Variants in ADAM10 observed in about 807,000 individuals in gnomAD.
ADAM10 encodes ADAM metallopeptidase domain 10.
In ADAM10, 17 loss-of-function variants were observed where a neutral mutation model predicts 90.1. The observed-to-expected ratio is 0.19, with a 90% CI of 0.13 to 0.28. The LOEUF (loss-of-function observed/expected upper bound fraction) is 0.28. Among genes scored for constraint, ADAM10 ranks in the 10% least tolerant of loss-of-function variants. ADAM10 has a pLI of 1.00. For missense variants in ADAM10, 610 were observed against 914.3 expected, an observed-to-expected ratio of 0.67 and a Z score of 4.29; for synonymous variants, 310 against 298.6, an observed-to-expected ratio of 1.04 and a Z score of -0.40.
intron 2 of ADAM10, among the ~76,000 whole-genome samples, chr15:58,690,207 C>G (rs1421945941): frequency 6.6e-6 from 1 of 152,074 alleles, no homozygotes; most frequent in African/African-American, 2.4e-5. Context: ...TGATAAAATT[C>G]TCAGCAAACT....
chr15:58,721,998 A>C (rs1235891529), intron 1 of ADAM10, among the ~76,000 whole-genome samples: 2 of 152,104 alleles, frequency 1.3e-5, no homozygotes, highest in Non-Finnish European at 2.9e-5. Flanking sequence ...ATTGCAATCC[A>C]GCCTGGGTGA....
At chr15:58,644,247 G>A (rs1420859532) in intron 6 of ADAM10, among the ~76,000 whole-genome samples, 1 of 143,726 alleles carries the variant, frequency 7.0e-6, no homozygotes, top group African/African-American at 2.7e-5. Context: ...TTTTTTTTTG[G>A]AGACAAGAGT....
At chr15:58,718,920 T>C (rs945014267) in intron 1 of ADAM10, among the ~76,000 whole-genome samples, 3 of 152,178 alleles carry the variant, frequency 2.0e-5, no homozygotes, top group Admixed American at 6.5e-5. Flanking sequence ...TTCCCTCTCA[T>C]AGTACCACAA....
intron 1 of ADAM10, among the ~76,000 whole-genome samples, chr15:58,718,134 TAAAAATA>T (rs1761902802): frequency 6.6e-6 from 1 of 151,394 alleles, no homozygotes; most frequent in South Asian, 2.1e-4. Flanking sequence ...TCATCCCTAA[TAAAAATA>T]AAAAATAAAA....
At position 58,611,877 on chromosome 15, in the gene ADAM10, G is replaced by A. The variant is rs145707318; in HGVS notation, c.1626C>T (p.Leu542=). 6.2e-7 allele frequency: 1 copy of A among 1,614,206 alleles called. No homozygotes were observed. Among genetic ancestry groups the A allele is most frequent in the Admixed American group, 1.7e-5 (1 of 60,034 alleles). Residue 542 remains leucine, a synonymous_variant, in exon 12 of 16, where the codon CTC becomes CTT. Transcript: ENST00000260408. ...REGICNGFTA[L]CPASDPKPNF... ...TTGGTTTAGGGTCAGATGCTGGGCA[G>A]AGAGCTGTGAAGCCATTACATATTC...
At chr15:58,603,018 C>G (rs1484987676) in intron 14 of ADAM10, among the ~76,000 whole-genome samples, 4 of 152,214 alleles carry the variant, frequency 2.6e-5, no homozygotes, top group African/African-American at 9.6e-5. Flanking sequence ...ACAAAACATG[C>G]TGACAGGGCT....
intron 2 of ADAM10, among the ~76,000 whole-genome samples, chr15:58,685,616 A>G (rs1897578053): frequency 6.8e-6 from 1 of 147,576 alleles, no homozygotes; most frequent in Non-Finnish European, 1.5e-5. Context: ...TTCTGTGTAG[A>G]GAATTTCTGA....
At chr15:58,670,805 T>C (rs1427932233) in intron 4 of ADAM10, among the ~76,000 whole-genome samples, 3 of 152,108 alleles carry the variant, frequency 2.0e-5, no homozygotes, top group Non-Finnish European at 2.9e-5. Context: ...AGCACAAAAA[T>C]ATTTTTATTT....
chr15:58,647,248 A>AATTTTTTTTTTTTTTTTTTTTTTT (rs1896571373), intron 5 of ADAM10, among the ~76,000 whole-genome samples: 1 of 59,602 alleles, frequency 1.7e-5, no homozygotes, highest in African/African-American at 5.4e-5. Context: ...GACACTAAGT[A>AATTTTTTTTTTTTTTTTTTTTTTT]TTTTTTTTTT....
intron 8 of ADAM10, among the ~76,000 whole-genome samples, chr15:58,638,614 C>CAAAAAA (rs60048171): frequency 1.3e-5 from 1 of 78,214 alleles, no homozygotes; most frequent in Non-Finnish European, 2.7e-5. Flanking sequence ...CACTCTGTCT[C>CAAAAAA]AAAAAAAAAA....
intron 2 of ADAM10, among the ~76,000 whole-genome samples, chr15:58,710,215 G>T (rs1307937106): frequency 6.6e-6 from 1 of 152,106 alleles, no homozygotes; most frequent in Non-Finnish European, 1.5e-5. Flanking sequence ...GGAGGCAGAG[G>T]TTGCGTGAGC....
intron 14 of ADAM10, among the ~76,000 whole-genome samples, chr15:58,603,715 G>A (rs1251309075): frequency 1.3e-5 from 2 of 151,766 alleles, no homozygotes; most frequent in South Asian, 2.1e-4. Context: ...CACTATGTAG[G>A]AGAGAGGAAA....
intron 5 of ADAM10, among the ~76,000 whole-genome samples, chr15:58,649,212 T>C (rs1342959474): frequency 6.6e-6 from 1 of 152,162 alleles, no homozygotes; most frequent in Non-Finnish European, 1.5e-5. Flanking sequence ...TTGTTAGTTA[T>C]ATATTTTACT....
intron 2 of ADAM10, among the ~76,000 whole-genome samples, chr15:58,698,947 G>T (rs1481731776): frequency 6.6e-6 from 1 of 152,126 alleles, no homozygotes; most frequent in African/African-American, 2.4e-5. Flanking sequence ...GAACCTCAGA[G>T]ACCTTCAAAT....
intron 2 of ADAM10, among the ~76,000 whole-genome samples, chr15:58,706,498 TAAC>T (rs1469270082): frequency 6.6e-6 from 1 of 152,212 alleles, no homozygotes; most frequent in Non-Finnish European, 1.5e-5. Flanking sequence ...TTGCCAATAT[TAAC>T]AACAAATATT....
In ADAM10 at chr15:58,659,116, T is replaced by C. The variant is rs113306788; in HGVS notation, c.585+5981A>G. On this transcript the variant is annotated intron_variant, in intron 5 of 15. Transcript: ENST00000260408. Reference sequence around the variant, plus strand: ...GGTGAAACCCCATCTTTACTAAAAATACAAAAATTAGGTGGGCGTGGTGGT... The same window carrying C: ...GGTGAAACCCCATCTTTACTAAAAACACAAAAATTAGGTGGGCGTGGTGGT... Among the ~76,000 whole-genome samples, 540 of 151,928 alleles carry C rather than the reference T, an allele frequency of 3.6e-3. 4 individuals are homozygous for C. Among genetic ancestry groups the C allele is most frequent in the African/African-American group, 0.013 (519 of 41,408 alleles).
intron 1 of ADAM10, among the ~76,000 whole-genome samples, chr15:58,721,291 G>C (rs1898843372): frequency 6.6e-6 from 1 of 152,076 alleles, no homozygotes; most frequent in African/African-American, 2.4e-5. Context: ...TGATTCATAG[G>C]GTTTAATTGG....
Position 58,605,559 on chromosome 15 carries a change from C to T in ADAM10, c.2025+4738G>A, listed in dbSNP as rs369581948. On this transcript the variant is annotated intron_variant, in intron 14 of 15. Transcript: ENST00000260408. The stretch of plus-strand genomic sequence containing the variant: ...ACTAGGGTAGTAAATGTAAAATATG[C>T]ATTTCTCTCAAAAGAAAAGATCACA... 8.5e-5 allele frequency among the ~76,000 whole-genome samples: 13 copies of T among 152,202 alleles called. No homozygotes were observed. In the East Asian group the frequency reaches 1.5e-3, roughly 18 times the overall value.
intron 8 of ADAM10, among the ~76,000 whole-genome samples, chr15:58,640,261 G>T (rs990262644): frequency 3.9e-4 from 60 of 152,234 alleles, no homozygotes; most frequent in African/African-American, 1.4e-3. Flanking sequence ...TCTCTTTCAT[G>T]CAGTGCTTCC....
Sources: allele counts gnomAD v4.1 joint callset (sites outside exome capture counted in the v4.1 genomes callset), GRCh38; gene constraint gnomAD v4.1.1; transcripts MANE v1.5; gene names NCBI Gene and HGNC (gene_info 2026-07-23, HGNC 2026-07-21).